PACS1: variants seen among roughly 807,000 people sequenced by gnomAD.
PACS1 encodes PACS-1.
In PACS1, 24 loss-of-function variants were observed where a neutral mutation model predicts 115.0. The ratio of observed to expected loss-of-function variants is 0.21; its 90% confidence interval spans 0.15 to 0.29. The LOEUF (loss-of-function observed/expected upper bound fraction) is 0.29, where lower values mean the gene tolerates loss of function less well. Among genes scored for constraint, PACS1 ranks in the 10% least tolerant of loss-of-function variants. The pLI is 1.00. For missense variants in PACS1, 838 were observed against 1,251.2 expected, an observed-to-expected ratio of 0.67 and a Z score of 4.98; for synonymous variants, 453 against 504.5, an observed-to-expected ratio of 0.90 and a Z score of 1.37.
chr11:66,140,013 T>C (rs1313632913), intron 1 of PACS1, among the ~76,000 whole-genome samples: 1 of 152,206 alleles, frequency 6.6e-6, no homozygotes. Context: ...TACTTGTATT[T>C]GGCAAAACCA....
chr11:66,203,057 G>A (rs1332587019), intron 2 of PACS1, among the ~76,000 whole-genome samples: 3 of 152,014 alleles, frequency 2.0e-5, no homozygotes, highest in Admixed American at 6.6e-5. Context: ...GATTGGAAAG[G>A]AAGAAATCAA....
intron 1 of PACS1, among the ~76,000 whole-genome samples, chr11:66,130,818 C>G (rs1209719185): frequency 6.6e-6 from 1 of 152,126 alleles, no homozygotes; most frequent in Non-Finnish European, 1.5e-5. Flanking sequence ...CTTATAGTCT[C>G]AGAACTTTGG....
intron 1 of PACS1, among the ~76,000 whole-genome samples, chr11:66,128,366 T>C (rs1858626456): frequency 6.6e-6 from 1 of 152,152 alleles, no homozygotes; most frequent in African/African-American, 2.4e-5. Context: ...TAAAAGAATA[T>C]CCTTTAAAGA....
chr11:66,233,649 C>A lies in PACS1; in HGVS notation c.1839-136C>A. 1.3e-6 allele frequency: 1 copy of A among 782,382 alleles called. No individual in the cohort carries two copies. The highest frequency in any genetic ancestry group is 2.0e-6 in the Non-Finnish European group (1 of 497,934). The allele number at this position is 782,382 out of a possible 1,614,324, so 48.5% of individuals were successfully genotyped here. A position where few individuals can be genotyped will look rare whatever the true frequency, so the allele number is the denominator to read the frequency against. ...ACTGTGGCTTATTCCCTGTATGATC[C>A]TCTCTGTTTTATTTTGTGGATTGGT... On this transcript the variant is annotated intron_variant, in intron 15 of 23. Transcript: ENST00000320580. The surrounding 1 kb of genome is among the most constrained non-coding windows in gnomAD (Gnocchi z 4.5).
Position 66,070,490 on chromosome 11 carries a change from G to A in PACS1, c.4G>A (p.Ala2Thr). 1 of 1,287,008 alleles carries A rather than the reference G, an allele frequency of 7.8e-7. No homozygotes were observed. 79.7% of individuals were successfully genotyped at this position (1,287,008 alleles called of 1,614,324 possible). The change falls in exon 1 of 24, where the codon GCG becomes ACG. Residue 2 changes from alanine to threonine, a missense_variant. By Grantham distance (58) the Ala-to-Thr change is moderately conservative. Transcript: ENST00000320580. This position sits in a 1 kb window ranked among gnomAD's most constrained non-coding sequence, Gnocchi z 5.9. M[A>T]ERGGAGGGPG... is the part of the protein sequence containing the mutation. ...GTAACCCCCGCCTAGCCGGGCCATG[G>A]CGGAACGCGGAGGGGCGGGCGGTGG... is the stretch of plus-strand genomic sequence containing the variant.
At chr11:66,074,708 G>A (rs1857364220) in intron 1 of PACS1, among the ~76,000 whole-genome samples, 2 of 152,080 alleles carry the variant, frequency 1.3e-5, no homozygotes, top group Non-Finnish European at 2.9e-5. Flanking sequence ...TTAAGTGGGT[G>A]CTGAGGTCAA....
intron 1 of PACS1, among the ~76,000 whole-genome samples, chr11:66,078,793 A>G (rs547087): frequency 0.68 from 103,371 of 152,178 alleles, 36,631 homozygotes; most frequent in Non-Finnish European, 0.77. Flanking sequence ...GGCTCAAGCA[A>G]TCCTCCCGCC....
intron 11 of PACS1, among the ~76,000 whole-genome samples, chr11:66,230,172 G>GGGGCTAT (rs1206874367): frequency 6.6e-6 from 1 of 151,696 alleles, no homozygotes; most frequent in Non-Finnish European, 1.5e-5. Flanking sequence ...AAAAAGGAAT[G>GGGGCTAT]GGGCTATGGC....
chr11:66,157,965 C>G (rs957102710), intron 1 of PACS1, among the ~76,000 whole-genome samples: 1 of 152,096 alleles, frequency 6.6e-6, no homozygotes, highest in African/African-American at 2.4e-5. Flanking sequence ...TCTTTAGCAC[C>G]TCTTTTGTTT....
intron 1 of PACS1, among the ~76,000 whole-genome samples, chr11:66,092,070 A>G (rs537079736): frequency 6.6e-6 from 1 of 152,208 alleles, no homozygotes; most frequent in South Asian, 2.1e-4. Flanking sequence ...TGGTATTTCT[A>G]GTTCTAGATC....
chr11:66,165,332 C>G (rs1859577668), intron 1 of PACS1, among the ~76,000 whole-genome samples: 1 of 152,152 alleles, frequency 6.6e-6, no homozygotes, highest in South Asian at 2.1e-4. Context: ...TCTCCTCTGC[C>G]AGACTTCTAA....
At chr11:66,117,080 A>G (rs1008834230) in intron 1 of PACS1, among the ~76,000 whole-genome samples, 4 of 152,036 alleles carry the variant, frequency 2.6e-5, no homozygotes, top group Admixed American at 2.6e-4. Flanking sequence ...GTTTCCTTTT[A>G]AAAACGATGT....
chr11:66,143,389 C>A (rs1859044703), intron 1 of PACS1, among the ~76,000 whole-genome samples: 1 of 152,166 alleles, frequency 6.6e-6, no homozygotes. Flanking sequence ...GGTTCTGGAA[C>A]AGGTCTGAAG....
intron 1 of PACS1, among the ~76,000 whole-genome samples, chr11:66,178,412 A>T (rs1432800573): frequency 6.6e-6 from 1 of 152,206 alleles, no homozygotes. Flanking sequence ...ACTGCTATGT[A>T]GTATTCCATT....
chr11:66,081,503 C>T (rs1278581221), intron 1 of PACS1, among the ~76,000 whole-genome samples: 1 of 152,160 alleles, frequency 6.6e-6, no homozygotes, highest in Non-Finnish European at 1.5e-5. Flanking sequence ...CAGATTTCCT[C>T]GGTGGGACCA....
intron 10 of PACS1, among the ~76,000 whole-genome samples, chr11:66,224,127 C>G: frequency 7.2e-6 from 1 of 137,958 alleles, no homozygotes; most frequent in East Asian, 2.1e-4. Flanking sequence ...ACCTGGGAAG[C>G]AGAGGTTGCA....
chr11:66,072,523 G>GT lies in PACS1; in HGVS notation c.356+1691dup, dbSNP rs200111775. ...ACATCACTTAACAGATTTACACATT[G>GT]TTTTTTTTTTCTCTGTCCTTTCTCT... On this transcript the variant is annotated intron_variant, in intron 1 of 23. Coordinates refer to ENST00000320580, the MANE Select transcript of PACS1 (RefSeq NM_018026.4). 3.0e-3 allele frequency among the ~76,000 whole-genome samples: 442 copies of GT among 149,432 alleles called. 3 individuals carry two copies. Among genetic ancestry groups the GT allele is most frequent in the East Asian group, 0.026 (135 of 5,118 alleles).
rs191065650 is a variant in PACS1, at chr11:66,165,500, C to T, written c.357-27986C>T. 5.9e-5 allele frequency among the ~76,000 whole-genome samples: 9 copies of T among 152,268 alleles called. No homozygotes were observed. In the East Asian group the frequency reaches 1.7e-3, roughly 29 times the overall value. On this transcript the variant is annotated intron_variant, in intron 1 of 23. Coordinates refer to ENST00000320580, the MANE Select transcript of PACS1 (RefSeq NM_018026.4). ...GCTGATCTTTCCGTTGAGATCAAAA[C>T]TCATAAGCAGCTGGCCTAATAGTAA... is the stretch of plus-strand genomic sequence containing the variant.
chr11:66,241,108 A>G, intron 21 of PACS1: 1 of 284,548 alleles, frequency 3.5e-6, no homozygotes, highest in Non-Finnish European at 6.8e-6. Flanking sequence ...ATGTGTGTAT[A>G]TGTGTGTGCA....
Sources: allele counts gnomAD v4.1 joint callset (sites outside exome capture counted in the v4.1 genomes callset), GRCh38; gene constraint gnomAD v4.1.1; non-coding constraint Gnocchi (gnomAD v3.1); transcripts MANE v1.5; gene names NCBI Gene and HGNC (gene_info 2026-07-23, HGNC 2026-07-21).